The following XKR6 variants were observed in gnomAD, a reference collection of about 807,000 sequenced individuals.
The protein encoded by XKR6 is XK-related protein 6.
A neutral mutation model predicts 56.7 loss-of-function variants in XKR6; 22 were observed. That is an observed-to-expected ratio of 0.39 (90% CI 0.28 to 0.55). The LOEUF (loss-of-function observed/expected upper bound fraction) is 0.55, where lower values mean the gene tolerates loss of function less well. XKR6 is among the 20% of genes least tolerant of loss of function. The pLI, the probability that XKR6 is intolerant of heterozygous loss-of-function variation, is 0.66. For missense variants in XKR6, 852 were observed against 889.0 expected (o/e 0.96, Z 0.53); for synonymous variants, 524 against 387.8 (o/e 1.35, Z -4.13).
intron 1 of XKR6, among the ~76,000 whole-genome samples, chr8:11,008,707 C>A (rs1354907550): frequency 1.3e-5 from 2 of 152,072 alleles, no homozygotes; most frequent in Admixed American, 6.5e-5. Flanking sequence ...GAACCACCAC[C>A]CCGGCCTCCC....
intron 1 of XKR6, among the ~76,000 whole-genome samples, chr8:11,129,199 T>G (rs566494640): frequency 1.3e-5 from 2 of 152,350 alleles, no homozygotes; most frequent in South Asian, 4.1e-4. Context: ...CTCAACATTG[T>G]AAACATACTC....
chr8:11,056,153 G>C (rs1193060152), intron 1 of XKR6, among the ~76,000 whole-genome samples: 1 of 152,180 alleles, frequency 6.6e-6, no homozygotes, highest in Non-Finnish European at 1.5e-5. Flanking sequence ...CTCTAGGAGC[G>C]CTAGATGAGA....
intron 1 of XKR6, among the ~76,000 whole-genome samples, chr8:11,070,267 A>C (rs1800082699): frequency 6.6e-6 from 1 of 152,208 alleles, no homozygotes; most frequent in South Asian, 2.1e-4. Flanking sequence ...GATGTTATTC[A>C]TCCACGCCTC....
At chr8:11,091,954 C>A (rs1266957259) in intron 1 of XKR6, among the ~76,000 whole-genome samples, 1 of 152,122 alleles carries the variant, frequency 6.6e-6, no homozygotes, top group African/African-American at 2.4e-5. Context: ...TATACAGATC[C>A]ACCACAATCT....
At chr8:11,170,534 G>A (rs1427489882) in intron 1 of XKR6, among the ~76,000 whole-genome samples, 1 of 152,160 alleles carries the variant, frequency 6.6e-6, no homozygotes, top group Non-Finnish European at 1.5e-5. Context: ...GCAGTTCCCA[G>A]GGGCTGGGAA....
chr8:10,962,002 TG>T (rs1184156044), intron 1 of XKR6, among the ~76,000 whole-genome samples: 1 of 152,180 alleles, frequency 6.6e-6, no homozygotes, highest in Non-Finnish European at 1.5e-5. Flanking sequence ...CCCTTTTATT[TG>T]GGGGAAGGGC....
chr8:11,180,952 T>G (rs1802941965), intron 1 of XKR6, among the ~76,000 whole-genome samples: 1 of 152,096 alleles, frequency 6.6e-6, no homozygotes. Flanking sequence ...ATTATGAAAG[T>G]CAGGGCTAAA....
intron 2 of XKR6, among the ~76,000 whole-genome samples, chr8:10,912,761 G>A (rs1383740338): frequency 1.4e-5 from 2 of 147,872 alleles, no homozygotes; most frequent in Non-Finnish European, 3.0e-5. Context: ...GAGAGACGGT[G>A]AGTATATATA....
intron 1 of XKR6, among the ~76,000 whole-genome samples, chr8:11,117,390 T>C (rs1311153584): frequency 6.6e-6 from 1 of 152,156 alleles, no homozygotes; most frequent in African/African-American, 2.4e-5. Context: ...CATATGCAGC[T>C]TGCACCCTAA....
chr8:11,147,396 T>C (rs1586614523), intron 1 of XKR6, among the ~76,000 whole-genome samples: 1 of 152,154 alleles, frequency 6.6e-6, no homozygotes, highest in Non-Finnish European at 1.5e-5. Context: ...CCAGGCGCGG[T>C]GGCTCACGCC....
At chr8:11,083,786 C>T (rs1251877379) in intron 1 of XKR6, among the ~76,000 whole-genome samples, 1 of 152,108 alleles carries the variant, frequency 6.6e-6, no homozygotes, top group Non-Finnish European at 1.5e-5. Flanking sequence ...AGCACACCAC[C>T]ATATCAGGAA....
intron 1 of XKR6, among the ~76,000 whole-genome samples, chr8:11,055,322 G>C (rs1799655079): frequency 6.6e-6 from 1 of 152,050 alleles, no homozygotes; most frequent in African/African-American, 2.4e-5. Flanking sequence ...GGGGGAGGAG[G>C]CATCTGATCA....
At chr8:10,964,004 C>A (rs1260465116) in intron 1 of XKR6, among the ~76,000 whole-genome samples, 1 of 152,180 alleles carries the variant, frequency 6.6e-6, no homozygotes, top group East Asian at 1.9e-4. Flanking sequence ...TAATCCCTAC[C>A]GCAGAGGGTG....
intron 1 of XKR6, among the ~76,000 whole-genome samples, chr8:11,019,732 C>T (rs1350247521): frequency 6.6e-6 from 1 of 152,210 alleles, no homozygotes; most frequent in Non-Finnish European, 1.5e-5. Flanking sequence ...ACACAGCCCT[C>T]AGAGGCAGAG....
intron 1 of XKR6, among the ~76,000 whole-genome samples, chr8:11,085,772 G>T (rs897795037): frequency 1.2e-4 from 18 of 152,122 alleles, no homozygotes; most frequent in Admixed American, 1.3e-4. Flanking sequence ...GCAACGGTCT[G>T]GTTCCACCAG....
intron 1 of XKR6, among the ~76,000 whole-genome samples, chr8:11,167,362 T>C (rs887581148): frequency 1.3e-5 from 2 of 152,150 alleles, no homozygotes; most frequent in Non-Finnish European, 2.9e-5. Flanking sequence ...CTGGTTCCAA[T>C]AGGAACAAGT....
At chr8:10,993,990 G>C (rs1266461530) in intron 1 of XKR6, among the ~76,000 whole-genome samples, 3 of 152,172 alleles carry the variant, frequency 2.0e-5, no homozygotes, top group Non-Finnish European at 4.4e-5. Context: ...CTATCATGAG[G>C]CCTATATCCT....
chr8:11,058,749 A>C (rs1161122615), intron 1 of XKR6, among the ~76,000 whole-genome samples: 6 of 152,028 alleles, frequency 3.9e-5, no homozygotes, highest in Admixed American at 3.9e-4. Flanking sequence ...GGGGCTTGAA[A>C]CCTAGATGGC....
chr8:11,034,880 C>G (rs990542489), intron 1 of XKR6, among the ~76,000 whole-genome samples: 3 of 152,336 alleles, frequency 2.0e-5, no homozygotes, highest in African/African-American at 7.2e-5. Context: ...TGTTCCCTCA[C>G]AGTGATGCAT....
Sources: allele counts gnomAD v4.1 joint callset (sites outside exome capture counted in the v4.1 genomes callset), GRCh38; gene constraint gnomAD v4.1.1; transcripts MANE v1.5; gene names NCBI Gene and HGNC (gene_info 2026-07-23, HGNC 2026-07-21).